ZNF525: variants seen among roughly 807,000 people sequenced by gnomAD.
ZNF525 encodes the protein zinc finger protein 525.
Under a neutral mutation model 37.6 loss-of-function variants are expected in ZNF525, and 33 were observed. That is an observed-to-expected ratio of 0.88 (90% CI 0.67 to 1.17). The LOEUF is 1.17. Among genes scored for constraint, ZNF525 ranks in the 50% most tolerant of loss-of-function variants. The pLI is 0.00. For synonymous variants in ZNF525, 170 were observed against 182.3 expected, an observed-to-expected ratio of 0.93 and a Z score of 0.54; for missense variants, 449 against 543.1, an observed-to-expected ratio of 0.83 and a Z score of 1.72.
rs1288496418 is a variant in ZNF525, at chr19:53,384,964, G to T, written c.*2945G>T. The T allele has an allele frequency of 5.7e-6, 4 of 701,682 alleles. No individual in the cohort carries two copies. The highest frequency in any genetic ancestry group is 3.5e-5 in the African/African-American group (2 of 57,122). 43.5% of individuals were successfully genotyped at this position (701,682 alleles called of 1,614,324 possible). On this transcript the variant is annotated 3_prime_UTR_variant, in exon 4 of 4. Transcript: ENST00000474037. ...TGAGGTAAATTTCCTTTTCTATTTT[G>T]TTTAGGATTTCTATGATGACTGGAT...
In ZNF525 at chr19:53,366,849, A is replaced by T. The variant is rs559283325; in HGVS notation, c.-68+1090A>T. 1.8e-3 allele frequency among the ~76,000 whole-genome samples: 275 copies of T among 151,890 alleles called. 1 individual carries two copies. The highest frequency in any genetic ancestry group is 0.018 in the East Asian group (91 of 5,162). On this transcript the variant is annotated intron_variant, in intron 1 of 3. Coordinates refer to ENST00000474037, the MANE Select transcript of ZNF525 (RefSeq NM_001348156.2). Reference sequence around the variant, plus strand: ...TTAACGGGGAGAGCAGAGGAGGCGCAGAGATGGTGTTGCGGGAAACTGAGG... The same window carrying T: ...TTAACGGGGAGAGCAGAGGAGGCGCTGAGATGGTGTTGCGGGAAACTGAGG...
chr19:53,366,540 G>GAAAA (rs57967171), intron 1 of ZNF525, among the ~76,000 whole-genome samples: 4 of 124,162 alleles, frequency 3.2e-5, no homozygotes, highest in Non-Finnish European at 6.5e-5. Flanking sequence ...CAGCAAAAGT[G>GAAAA]AAAAAAAAAA....
intron 3 of ZNF525, chr19:53,376,476 G>T: frequency 1.7e-6 from 1 of 578,426 alleles, no homozygotes; most frequent in Non-Finnish European, 3.0e-6. Flanking sequence ...TTCTTATTTT[G>T]TTTTTTCAGG....
chr19:53,374,834 T>G (rs1234959936), intron 2 of ZNF525, among the ~76,000 whole-genome samples: 2 of 146,890 alleles, frequency 1.4e-5, no homozygotes, highest in African/African-American at 5.0e-5. Context: ...GACAAATATA[T>G]CTATATAATG....
chr19:53,381,387 C>T lies in ZNF525; in HGVS notation c.808C>T (p.Pro270Ser). 2 of 1,596,844 alleles carry T rather than the reference C, an allele frequency of 1.3e-6. No individual in the cohort carries two copies. The highest frequency in any genetic ancestry group is 1.7e-6 in the Non-Finnish European group (2 of 1,164,326). ...TCGTAGATGTCACACTGGTGAGAAA[C>T]CTTACAAGTGTAATGAGTGTGGCAA... ...RHRRCHTGEK[P>S]YKCNECGKSF... is the part of the protein sequence containing the mutation. The change falls in exon 4 of 4, where the codon CCT (proline) becomes TCT (serine). Residue 270 changes from proline to serine, a missense_variant. Physicochemically the swap from Pro to Ser is moderately conservative, Grantham distance 74 (BLOSUM62 -1). Around this residue, in one of 2 missense-constraint regions of ZNF525, gnomAD observed 271 missense variants for 381.6 expected, o/e 0.71. Transcript: ENST00000474037.
chr19:53,377,557 T>C (rs1327183859), intron 3 of ZNF525, among the ~76,000 whole-genome samples: 1 of 105,078 alleles, frequency 9.5e-6, no homozygotes, highest in African/African-American at 3.8e-5. Context: ...CTTTCATTTC[T>C]TTTTTTTTTT....
At chr19:53,379,643 A>G (rs962530678) in intron 3 of ZNF525, among the ~76,000 whole-genome samples, 1 of 152,170 alleles carries the variant, frequency 6.6e-6, no homozygotes, top group Non-Finnish European at 1.5e-5. Flanking sequence ...ATTCATTTTT[A>G]TGATTTTACA....
chr19:53,376,259 T>G, intron 3 of ZNF525: 1 of 704,578 alleles, frequency 1.4e-6, no homozygotes, highest in Non-Finnish European at 2.6e-6. Context: ...CTTTTGTTTT[T>G]AAACTTTTTG....
At chr19:53,371,444 T>C (rs2147065576) in intron 1 of ZNF525, among the ~76,000 whole-genome samples, 1 of 152,272 alleles carries the variant, frequency 6.6e-6, no homozygotes, top group African/African-American at 2.4e-5. Flanking sequence ...TGATCTCGGC[T>C]CACTGCAACC....
intron 3 of ZNF525, among the ~76,000 whole-genome samples, chr19:53,380,016 TAAAA>T (rs199759507): frequency 2.7e-5 from 4 of 149,198 alleles, no homozygotes; most frequent in Non-Finnish European, 5.9e-5. Context: ...AATACAAAAA[TAAAA>T]AAAAAATTTT....
chr19:53,374,515 T>G (rs1402417919), intron 2 of ZNF525, among the ~76,000 whole-genome samples: 1 of 152,206 alleles, frequency 6.6e-6, no homozygotes, highest in Non-Finnish European at 1.5e-5. Context: ...GGGTGATTGC[T>G]TCTTCTAGGA....
At position 53,381,666 on chromosome 19, in the gene ZNF525, GCTTT is replaced by G. The variant is rs1403963378; in HGVS notation, c.1089_1092del (p.Phe364ValfsTer11). 4 of 1,121,374 alleles carry G rather than the reference GCTTT, an allele frequency of 3.6e-6. No individual in the cohort carries two copies. The highest frequency in any genetic ancestry group is 5.5e-6 in the Non-Finnish European group (4 of 730,098). 69.5% of individuals were successfully genotyped at this position (1,121,374 alleles called of 1,614,324 possible). Reference sequence around the variant, plus strand: ...TTACGAATGTGAAGAATGTGACAAAGCTTTCAGTTTCAAATCAAACCTTGAAAGT... The same window carrying G: ...TTACGAATGTGAAGAATGTGACAAAGCAGTTTCAAATCAAACCTTGAAAGT... On this transcript the variant is annotated frameshift_variant, in exon 4 of 4. Coordinates refer to ENST00000474037, the MANE Select transcript of ZNF525 (RefSeq NM_001348156.2). LOFTEE classifies it high-confidence loss of function.
At chr19:53,366,493 G>A (rs1163703080) in intron 1 of ZNF525, among the ~76,000 whole-genome samples, 1 of 150,720 alleles carries the variant, frequency 6.6e-6, no homozygotes, top group Non-Finnish European at 1.5e-5. Context: ...CATAACAGAT[G>A]GCAAAGTAGA....
chr19:53,374,325 T>A (rs930655829), intron 2 of ZNF525, among the ~76,000 whole-genome samples: 1 of 152,272 alleles, frequency 6.6e-6, no homozygotes, highest in Non-Finnish European at 1.5e-5. Flanking sequence ...AATTTACATG[T>A]TGTCATGTTA....
chr19:53,371,527 C>T (rs925065799), intron 1 of ZNF525, among the ~76,000 whole-genome samples: 2 of 152,056 alleles, frequency 1.3e-5, no homozygotes, highest in Non-Finnish European at 2.9e-5. Context: ...ACCTACCAAG[C>T]CCAGTTACTT....
intron 1 of ZNF525, among the ~76,000 whole-genome samples, chr19:53,371,578 A>G (rs910060669): frequency 2.0e-5 from 3 of 152,110 alleles, no homozygotes; most frequent in African/African-American, 2.4e-5. Flanking sequence ...CATGTTGACC[A>G]TGCTGGTCTC....
rs369243254 is a variant in ZNF525 at position 53,376,386 on chromosome 19, A to G, written c.142+490A>G. 3.8e-5 allele frequency: 26 copies of G among 690,154 alleles called. No homozygotes were observed. The East Asian group carries it at 7.0e-4, about 19-fold the overall frequency. 42.8% of individuals were successfully genotyped at this position (690,154 alleles called of 1,614,324 possible). A position where few individuals can be genotyped will look rare whatever the true frequency, so the allele number is the denominator to read the frequency against. On this transcript the variant is annotated intron_variant, in intron 3 of 3. Transcript: ENST00000474037. ...AGAGTTAAATATTTGCATTTGAAAT[A>G]TTACTGATGCAGAAGACCTTACCAT...
Position 53,386,254 on chromosome 19 carries a change from A to G in ZNF525, c.*4235A>G. On this transcript the variant is annotated 3_prime_UTR_variant, in exon 4 of 4. Coordinates refer to ENST00000474037, the MANE Select transcript of ZNF525 (RefSeq NM_001348156.2). ...TGCCACATCTTCTCAGAAGACTTTC[A>G]GGATTAAGCGATTCCTGGCCAAGAA... is the stretch of plus-strand genomic sequence containing the variant. 1.5e-6 allele frequency: 1 copy of G among 659,786 alleles called. No homozygotes were observed. The highest frequency in any genetic ancestry group is 2.8e-6 in the Non-Finnish European group (1 of 351,488). The allele number at this position is 659,786 out of a possible 1,614,324, so 40.9% of individuals were successfully genotyped here.
At chr19:53,376,468 CTTA>C (rs1256537091) in intron 3 of ZNF525, 40 of 586,808 alleles carry the variant, frequency 6.8e-5, no homozygotes, top group Non-Finnish European at 1.1e-4. Context: ...TTATTTTGTT[CTTA>C]TTTTGTTTTT....
Sources: gnomAD v4.1 joint callset for allele counts (sites outside exome capture counted in the v4.1 genomes callset) on GRCh38, gnomAD v4.1.1 for gene constraint, gnomAD v4.1.1 regional missense constraint, MANE v1.5 for transcripts, NCBI Gene and HGNC (gene_info 2026-07-23, HGNC 2026-07-21) for gene names.